DNAH2: variants seen among roughly 807,000 people sequenced by gnomAD.
DNAH2 encodes the protein dynein axonemal heavy chain 2.
In DNAH2, 323 loss-of-function variants were observed where a neutral mutation model predicts 523.5. The ratio of observed to expected loss-of-function variants is 0.62; its 90% confidence interval spans 0.56 to 0.68. The LOEUF is 0.68. Among genes scored for constraint, DNAH2 ranks in the 30% least tolerant of loss-of-function variants. The probability of loss-of-function intolerance (pLI) is 0.00; values close to 1 mark genes in which losing one functional copy is unlikely to be tolerated. For synonymous variants in DNAH2, 2,093 were observed against 2,177.4 expected (o/e 0.96, Z 1.08); for missense variants, 4,907 against 5,701.5 (o/e 0.86, Z 4.49).
Position 7,763,836 on chromosome 17 carries a change from C to A in DNAH2, c.2984C>A (p.Thr995Lys). The change falls in exon 19 of 86, where the codon ACG becomes AAG. Residue 995 changes from threonine to lysine, a missense_variant. This residue lies in a region of DNAH2 where 2,806 missense variants were observed against 3,190.8 expected (regional missense o/e 0.88). Coordinates refer to ENST00000572933, the MANE Select transcript of DNAH2 (RefSeq NM_020877.5). Reference sequence around the variant, plus strand: ...GGGATCTGGGGCTCTTGCAGCTACACGGAAGTTGCTAATAACGTGCAGAAG... The same window carrying A: ...GGGATCTGGGGCTCTTGCAGCTACAAGGAAGTTGCTAATAACGTGCAGAAG... ...SSFVADIARY[T>K]EVANNVQKEE... is the part of the protein sequence containing the mutation. 1.2e-6 allele frequency: 2 copies of A among 1,614,038 alleles called. No individual in the cohort carries two copies. Among genetic ancestry groups the A allele is most frequent in the East Asian group, 4.5e-5 (2 of 44,880 alleles).
In DNAH2 at chr17:7,797,512, A is replaced by T; in HGVS notation, c.8062A>T (p.Lys2688Ter). ...DLTFHHLCPSKRPPIFGDFLK... is the reference protein window; with the variant it reads ...DLTFHHLCPS ...CACATTTCATCATCTCTGTCCCAGC[A>T]AGCGTCCTCCTATCTTTGGTGAGCC... Residue 2688 changes from lysine (K) to a stop codon, truncating the protein, a stop_gained, in exon 52 of 86, where the codon AAG (lysine) becomes TAG (stop). Coordinates refer to ENST00000572933, the MANE Select transcript of DNAH2 (RefSeq NM_020877.5). LOFTEE classifies it high-confidence loss of function. 6.2e-7 allele frequency: 1 copy of T among 1,614,176 alleles called. No individual in the cohort carries two copies. Among genetic ancestry groups the T allele is most frequent in the Non-Finnish European group, 8.5e-7 (1 of 1,180,038 alleles).
At chr17:7,722,197 G>GC (rs1567596258) in intron 2 of DNAH2, among the ~76,000 whole-genome samples, 2 of 141,262 alleles carry the variant, frequency 1.4e-5, no homozygotes, top group African/African-American at 5.4e-5. Flanking sequence ...CGGGGGGGGG[G>GC]GTTCACCATC....
In DNAH2 at chr17:7,816,715, A is replaced by G. The variant is rs1427412464; in HGVS notation, c.9874A>G (p.Arg3292Gly). 3 of 1,613,826 alleles carry G rather than the reference A, an allele frequency of 1.9e-6. No homozygotes were observed. The highest frequency in any genetic ancestry group is 2.5e-6 in the Non-Finnish European group (3 of 1,180,036). ...GTCGGGGTTGGCTGGCGAGAAGGCC[A>G]GATGGGAGGAGACAGTCCAGGTGAG... ...LVSGLAGEKA[R>G]WEETVQGLEE... Residue 3292 changes from arginine to glycine, a missense_variant, in exon 64 of 86, where the codon AGA becomes GGA. Transcript: ENST00000572933.
In DNAH2 at chr17:7,799,105, C is replaced by A; in HGVS notation, c.8562C>A (p.Ile2854=). 7 of 1,614,094 alleles carry A rather than the reference C, an allele frequency of 4.3e-6. No individual in the cohort carries two copies. The highest frequency in any genetic ancestry group is 5.9e-6 in the Non-Finnish European group (7 of 1,180,022). ...NLYKPDEFEE[I]QSHIIDQARV... Reference sequence around the variant, plus strand: ...GACCCTGGGTGGCTTCTGTCCAGATCCAGTCGCATATCATAGACCAGGCCC... The same window carrying A: ...GACCCTGGGTGGCTTCTGTCCAGATACAGTCGCATATCATAGACCAGGCCC... Residue 2854 remains isoleucine, a splice_region_variant and synonymous_variant, in exon 56 of 86, where the codon ATC becomes ATA. Coordinates refer to ENST00000572933, the MANE Select transcript of DNAH2 (RefSeq NM_020877.5).
chr17:7,800,862 G>T (rs530846520), intron 56 of DNAH2, among the ~76,000 whole-genome samples: 3 of 142,604 alleles, frequency 2.1e-5, no homozygotes, highest in Non-Finnish European at 4.6e-5. Flanking sequence ...GAAAGACTCC[G>T]TCTCAAAAAA....
intron 4 of DNAH2, among the ~76,000 whole-genome samples, chr17:7,729,785 C>G (rs2074932468): frequency 6.6e-6 from 1 of 152,184 alleles, no homozygotes; most frequent in Admixed American, 6.6e-5. Flanking sequence ...CACTAACCAC[C>G]TGTCCATTTC....
At chr17:7,779,992 G>A (rs1323287678) in intron 36 of DNAH2, among the ~76,000 whole-genome samples, 165 bp from the exon 37 acceptor site, 1 of 152,196 alleles carries the variant, frequency 6.6e-6, no homozygotes, top group Admixed American at 6.5e-5. Context: ...AAGTGGACTG[G>A]GAAGGGCTGG....
intron 8 of DNAH2, among the ~76,000 whole-genome samples, chr17:7,737,583 T>A (rs969071078): frequency 6.6e-6 from 1 of 152,148 alleles, no homozygotes; most frequent in South Asian, 2.1e-4. Flanking sequence ...AAGCTCTTCT[T>A]CCCATTCCTC....
intron 12 of DNAH2, 170 bp downstream of exon 12, chr17:7,743,312 C>A (rs2075412283): frequency 1.3e-6 from 1 of 747,352 alleles, no homozygotes. Context: ...TGTCTCTCCC[C>A]ACCTCCCACC....
intron 73 of DNAH2, among the ~76,000 whole-genome samples, chr17:7,822,929 G>C (rs1467552323): frequency 6.6e-6 from 1 of 152,170 alleles, no homozygotes; most frequent in Non-Finnish European, 1.5e-5. Context: ...TGAGGGCTAA[G>C]GGCAGGGTCT....
At chr17:7,719,384 C>A (rs971856374) in intron 1 of DNAH2, among the ~76,000 whole-genome samples, 1 of 152,126 alleles carries the variant, frequency 6.6e-6, no homozygotes, top group African/African-American at 2.4e-5. Context: ...CCGGCTCGGC[C>A]TCCCAAAATG....
rs767400616 is a variant in DNAH2, at chr17:7,739,912, C to T, written c.1350C>T (p.Asn450=). 4.3e-6 allele frequency: 7 copies of T among 1,613,944 alleles called. No individual in the cohort carries two copies. The highest frequency in any genetic ancestry group is 5.9e-6 in the Non-Finnish European group (7 of 1,179,922). ...AVRGGILDVK[N]TCWHEDYNKF... ...GCGGGGGTATCCTGGATGTCAAGAA[C>T]ACCTGTTGGCATGAAGACTACAATA... Residue 450 remains asparagine (N), a synonymous_variant, in exon 9 of 86, where the codon AAC becomes AAT. Coordinates refer to ENST00000572933, the MANE Select transcript of DNAH2 (RefSeq NM_020877.5).
At position 7,733,164 on chromosome 17, in the gene DNAH2, G is replaced by A. The variant is rs150564814; in HGVS notation, c.477G>A (p.Gln159=). The change falls in exon 5 of 86, where the codon CAG becomes CAA. Residue 159 remains glutamine, a synonymous_variant. Coordinates refer to ENST00000572933, the MANE Select transcript of DNAH2 (RefSeq NM_020877.5). Reference sequence around the variant, plus strand: ...GGGAGAACTTCGAGGCAACTGTGCAGTTTGGGACGGTGCGGGGCCCCTATA... The same window carrying A: ...GGGAGAACTTCGAGGCAACTGTGCAATTTGGGACGGTGCGGGGCCCCTATA... ...ITWENFEATV[Q]FGTVRGPYIP... 2 of 1,614,090 alleles carry A rather than the reference G, an allele frequency of 1.2e-6. No individual in the cohort carries two copies. Among genetic ancestry groups the A allele is most frequent in the Non-Finnish European group, 1.7e-6 (2 of 1,180,050 alleles).
Position 7,824,602 on chromosome 17 carries a change from G to A in DNAH2, c.11728G>A (p.Val3910Met). 9 of 1,606,604 alleles carry A rather than the reference G, an allele frequency of 5.6e-6. No homozygotes were observed. Among genetic ancestry groups the A allele is most frequent in the Non-Finnish European group, 7.7e-6 (9 of 1,174,810 alleles). ...LSWMPNLDKL[V>M]EQLQVEDPHP... ...TTGGATGCCTAATCTGGACAAGCTG[G>A]TGGAGCAGCTGCAGGTGGAGGATCC... The change falls in exon 77 of 86, where the codon GTG becomes ATG. Residue 3910 changes from valine (V) to methionine (M), a missense_variant. Physicochemically the swap from Val to Met is conservative, Grantham distance 21. Transcript: ENST00000572933.
At chr17:7,799,674 G>C (rs2077168689) in intron 56 of DNAH2, among the ~76,000 whole-genome samples, 1 of 152,118 alleles carries the variant, frequency 6.6e-6, no homozygotes, top group Non-Finnish European at 1.5e-5. Context: ...AAATTAGCCA[G>C]GCATGGTGGC....
Position 7,718,068 on chromosome 17 carries a change from TATAAATACTGCTGG to T in DNAH2, c.-729_-716del, listed in dbSNP as rs1460695237. 5.3e-5 allele frequency: 8 copies of T among 152,308 alleles called. No individual in the cohort carries two copies. Among genetic ancestry groups the T allele is most frequent in the African/African-American group, 1.7e-4 (7 of 41,554 alleles). 9.4% of individuals were successfully genotyped at this position (152,308 alleles called of 1,614,324 possible). The stretch of plus-strand genomic sequence containing the variant: ...CCAGTTTAAGGATACCAGCTGCTGG[TATAAATACTGCTGG>T]ATAAATACTGCTGGATTTATACTGC... On this transcript the variant is annotated 5_prime_UTR_variant, in exon 1 of 86. Coordinates refer to ENST00000572933, the MANE Select transcript of DNAH2 (RefSeq NM_020877.5).
chr17:7,770,842 A>G lies in DNAH2; in HGVS notation c.4271A>G (p.Lys1424Arg), dbSNP rs142955730. Reference protein sequence around the residue: ...KASRFVKAFEKDVDHWERCLS... With the variant: ...KASRFVKAFERDVDHWERCLS... Reference sequence around the variant, plus strand: ...TCACGCTTTGTCAAGGCCTTTGAGAAGGATGTGGACCACTGGGAACGCTGC... The same window carrying G: ...TCACGCTTTGTCAAGGCCTTTGAGAGGGATGTGGACCACTGGGAACGCTGC... The change falls in exon 27 of 86, where the codon AAG (lysine) becomes AGG (arginine). Residue 1424 changes from lysine to arginine, a missense_variant. Lys to Arg is a conservative substitution (Grantham distance 26). Around this residue, in one of 3 missense-constraint regions of DNAH2, gnomAD observed 2,806 missense variants for 3,190.8 expected, o/e 0.88. Coordinates refer to ENST00000572933, the MANE Select transcript of DNAH2 (RefSeq NM_020877.5). The G allele has an allele frequency of 1.8e-4, 286 of 1,614,082 alleles. No homozygotes were observed. The highest frequency in any genetic ancestry group is 2.3e-4 in the Non-Finnish European group (269 of 1,180,040).
intron 12 of DNAH2, among the ~76,000 whole-genome samples, chr17:7,751,524 A>T (rs988578580): frequency 6.6e-6 from 1 of 152,112 alleles, no homozygotes; most frequent in Non-Finnish European, 1.5e-5. Flanking sequence ...GTGCAGATTC[A>T]AATTGAGTTT....
intron 59 of DNAH2, 129 bp downstream of exon 59, chr17:7,804,595 C>G: frequency 9.0e-7 from 1 of 1,107,194 alleles, no homozygotes. Flanking sequence ...CCTGTAATCC[C>G]AGCACTTTGG....
Sources: gnomAD v4.1 joint callset for allele counts (sites outside exome capture counted in the v4.1 genomes callset) on GRCh38, gnomAD v4.1.1 for gene constraint, gnomAD v4.1.1 regional missense constraint, MANE v1.5 for transcripts, NCBI Gene and HGNC (gene_info 2026-07-23, HGNC 2026-07-21) for gene names.